The following TRPS1 variants were observed in gnomAD, a reference collection of about 807,000 sequenced individuals.
TRPS1 encodes transcriptional repressor GATA binding 1.
Under a neutral mutation model 101.2 loss-of-function variants are expected in TRPS1, and 6 were observed. That is an observed-to-expected ratio of 0.06 (90% CI 0.03 to 0.12). The LOEUF is 0.12. Ranked by LOEUF, TRPS1 falls within the 10% of genes least tolerant of loss-of-function variation. The pLI, the probability that TRPS1 is intolerant of heterozygous loss-of-function variation, is 1.00. For missense variants in TRPS1, 1,363 were observed against 1,567.0 expected (o/e 0.87, Z 2.20); for synonymous variants, 578 against 589.8 (o/e 0.98, Z 0.29).
intron 1 of TRPS1, among the ~76,000 whole-genome samples, chr8:115,639,973 A>G (rs896156807): frequency 3.3e-5 from 5 of 152,230 alleles, no homozygotes; most frequent in African/African-American, 9.6e-5. Context: ...AAAGTAGTCA[A>G]TACTCAGTAG....
chr8:115,492,195 A>T (rs1425807297), intron 5 of TRPS1: 1 of 456,222 alleles, frequency 2.2e-6, no homozygotes, highest in Non-Finnish European at 4.4e-6. Flanking sequence ...GACCTTAGGC[A>T]GAATCAGAGG....
chr8:115,492,180 A>ATTC (rs1815040390), intron 5 of TRPS1: 1 of 456,064 alleles, frequency 2.2e-6, no homozygotes, highest in Admixed American at 2.4e-5. Flanking sequence ...GTCTTAGAAA[A>ATTC]TACTGACCTT....
At chr8:115,497,600 A>G (rs1463026153) in intron 5 of TRPS1, among the ~76,000 whole-genome samples, 1 of 152,228 alleles carries the variant, frequency 6.6e-6, no homozygotes, top group African/African-American at 2.4e-5. Context: ...AAAGAAAAAT[A>G]GAGACATGAT....
At chr8:115,577,862 T>C (rs964458385) in intron 5 of TRPS1, among the ~76,000 whole-genome samples, 1 of 152,122 alleles carries the variant, frequency 6.6e-6, no homozygotes, top group African/African-American at 2.4e-5. Context: ...TACCCACACA[T>C]GCGACATACA....
chr8:115,475,301 T>TCAGTTCCTG (rs1814576855), intron 5 of TRPS1, among the ~76,000 whole-genome samples: 1 of 130,010 alleles, frequency 7.7e-6, no homozygotes, highest in African/African-American at 2.8e-5. Flanking sequence ...TATATATATA[T>TCAGTTCCTG]ATATTTGTTA....
At chr8:115,661,858 T>A (rs1811805019) in intron 1 of TRPS1, among the ~76,000 whole-genome samples, 1 of 150,810 alleles carries the variant, frequency 6.6e-6, no homozygotes, top group Admixed American at 6.6e-5. Flanking sequence ...TCTAAACACC[T>A]CCCTTTGCCT....
chr8:115,569,850 A>G (rs1315999503), intron 5 of TRPS1, among the ~76,000 whole-genome samples: 1 of 152,112 alleles, frequency 6.6e-6, no homozygotes, highest in Non-Finnish European at 1.5e-5. Context: ...AACTAATAAT[A>G]TAGCTGTGTA....
chr8:115,535,236 C>CATATATATAGCATATATAGCAT (rs1554583787), intron 5 of TRPS1, among the ~76,000 whole-genome samples: 5 of 118,544 alleles, frequency 4.2e-5, no homozygotes, highest in African/African-American at 1.3e-4. Context: ...ATATATATAG[C>CATATATATAGCATATATAGCAT]ATATATAGCA....
chr8:115,413,632 A>G lies in TRPS1; in HGVS notation c.*391T>C, dbSNP rs800899. 77,946 of 163,104 alleles carry G rather than the reference A, an allele frequency of 0.48. 19,468 individuals carry two copies. The highest frequency in any genetic ancestry group is 0.81 in the East Asian group (4,403 of 5,446). The allele number at this position is 163,104 out of a possible 1,614,324, so 10.1% of individuals were successfully genotyped here. The stretch of plus-strand genomic sequence containing the variant: ...TTTTGGAACAAATGGTCCAATGGCC[A>G]GTCCAGTACTGCTTTAGTATAATAA... On this transcript the variant is annotated 3_prime_UTR_variant, in exon 7 of 7. Coordinates refer to ENST00000395715, the MANE Select transcript of TRPS1 (RefSeq NM_014112.5).
chr8:115,497,395 C>T (rs1007568355), intron 5 of TRPS1, among the ~76,000 whole-genome samples: 1 of 152,206 alleles, frequency 6.6e-6, no homozygotes, highest in Non-Finnish European at 1.5e-5. Context: ...CCTCAACAGC[C>T]TCTCACCTGC....
chr8:115,591,636 A>G (rs1308342848), intron 4 of TRPS1, among the ~76,000 whole-genome samples: 2 of 152,170 alleles, frequency 1.3e-5, no homozygotes, highest in Non-Finnish European at 2.9e-5. Flanking sequence ...CAACCGACCT[A>G]GGCAAAACCG....
At chr8:115,634,348 G>T (rs540983414) in intron 1 of TRPS1, among the ~76,000 whole-genome samples, 2 of 152,128 alleles carry the variant, frequency 1.3e-5, no homozygotes, top group African/African-American at 4.8e-5. Flanking sequence ...CATGAATAAT[G>T]CTTTACATGT....
Position 115,485,099 on chromosome 8 carries a change from G to A in TRPS1, c.2701-66647C>T, listed in dbSNP as rs138909332. Among the ~76,000 whole-genome samples, 525 of 152,230 alleles carry A rather than the reference G, an allele frequency of 3.4e-3. 2 individuals carry two copies. Among genetic ancestry groups the A allele is most frequent in the Admixed American group, 7.1e-3 (109 of 15,282 alleles). On this transcript the variant is annotated intron_variant, in intron 5 of 6. Transcript: ENST00000395715. ...CCTTACAACAGGAGGTTATCCAATT[G>A]GGCTTGATATACACACACAAGCCCT...
chr8:115,656,103 T>A (rs1811671112), intron 1 of TRPS1, among the ~76,000 whole-genome samples: 1 of 152,172 alleles, frequency 6.6e-6, no homozygotes, highest in South Asian at 2.1e-4. Flanking sequence ...GTATTAGAGA[T>A]ACTAAGTTTG....
intron 5 of TRPS1, among the ~76,000 whole-genome samples, chr8:115,566,367 C>T (rs1817067989): frequency 6.6e-6 from 1 of 152,106 alleles, no homozygotes; most frequent in African/African-American, 2.4e-5. Context: ...ACACCTGTTG[C>T]TCAAGGCCAG....
chr8:115,485,714 T>C (rs1490967144), intron 5 of TRPS1, among the ~76,000 whole-genome samples: 3 of 152,072 alleles, frequency 2.0e-5, no homozygotes, highest in Non-Finnish European at 4.4e-5. Context: ...GGCACAGATA[T>C]AGGAAACGGT....
chr8:115,461,298 T>TAC (rs1563747842), intron 5 of TRPS1, among the ~76,000 whole-genome samples: 26 of 38,454 alleles, frequency 6.8e-4, no homozygotes, highest in African/African-American at 1.6e-3. Flanking sequence ...GATAGATAGA[T>TAC]AGACAGATAC....
intron 5 of TRPS1, among the ~76,000 whole-genome samples, chr8:115,572,502 T>G (rs1321848728): frequency 6.6e-6 from 1 of 152,176 alleles, no homozygotes; most frequent in Non-Finnish European, 1.5e-5. Context: ...TACCTGACAC[T>G]CTTTTTTTCT....
rs555617984 is a variant in TRPS1, at chr8:115,637,856, T to G, written c.-121-14098A>C. 2.0e-5 allele frequency among the ~76,000 whole-genome samples: 3 copies of G among 152,372 alleles called. No individual in the cohort carries two copies. The East Asian group carries it at 5.8e-4, about 29-fold the overall frequency. On this transcript the variant is annotated intron_variant, in intron 1 of 6. Transcript: ENST00000395715. ...ACTAACTTAGCTCTTGACACCCATC[T>G]GTTTGTTTCCATTGACTGCCTGACT... is the stretch of plus-strand genomic sequence containing the variant.
Sources: gnomAD v4.1 joint callset for allele counts (sites outside exome capture counted in the v4.1 genomes callset) on GRCh38, gnomAD v4.1.1 for gene constraint, MANE v1.5 for transcripts, NCBI Gene and HGNC (gene_info 2026-07-23, HGNC 2026-07-21) for gene names.